The following LINGO2 variants were observed in gnomAD, a reference collection of about 807,000 sequenced individuals.
LINGO2 encodes the protein leucine rich repeat and Ig domain containing 2, also known as leucine-rich repeat and immunoglobulin-like domain-containing nogo receptor-interacting protein 2.
LINGO2 carries 14 observed loss-of-function variants against 30.6 expected under a neutral mutation model. The observed-to-expected ratio is 0.46, with a 90% CI of 0.30 to 0.72. The LOEUF (loss-of-function observed/expected upper bound fraction) is 0.72, where lower values mean the gene tolerates loss of function less well. Among genes scored for constraint, LINGO2 ranks in the 30% least tolerant of loss-of-function variants. LINGO2 has a pLI of 0.07. For synonymous variants in LINGO2, 317 were observed against 288.5 expected, an observed-to-expected ratio of 1.10 and a Z score of -1.00; for missense variants, 729 against 751.7, an observed-to-expected ratio of 0.97 and a Z score of 0.35.
chr9:28,873,198 G>A, the LINGO2 span, among the ~76,000 whole-genome samples: 21,209 of 151,466 alleles, frequency 0.14, 2,158 homozygotes, highest in African/African-American at 0.29. Flanking sequence ...GTGAAACCTC[G>A]TCTCTACTAA....
At chr9:28,093,774 C>A (rs529421385) in intron 4 of LINGO2, among the ~76,000 whole-genome samples, 1 of 152,070 alleles carries the variant, frequency 6.6e-6, no homozygotes, top group Admixed American at 6.6e-5. Flanking sequence ...CAGACTGAGC[C>A]ACGAGAAAGC....
chr9:28,829,417 G>T, the LINGO2 span, among the ~76,000 whole-genome samples: 1 of 152,138 alleles, frequency 6.6e-6, no homozygotes. Flanking sequence ...AAAGGCAGAG[G>T]GTCCACTGAG....
At chr9:28,158,749 G>A (rs1351146825) in intron 4 of LINGO2, among the ~76,000 whole-genome samples, 3 of 152,158 alleles carry the variant, frequency 2.0e-5, no homozygotes, top group African/African-American at 7.2e-5. Flanking sequence ...TGGGTGCACA[G>A]CAGCTTCCAA....
chr9:28,643,928 C>T (rs760236410), intron 1 of LINGO2, among the ~76,000 whole-genome samples: 8 of 151,866 alleles, frequency 5.3e-5, no homozygotes, highest in Non-Finnish European at 1.0e-4. Flanking sequence ...AATAGGCATA[C>T]GAAATGGTGT....
At chr9:28,048,468 G>A (rs1197318958) in intron 4 of LINGO2, among the ~76,000 whole-genome samples, 14 of 150,784 alleles carry the variant, frequency 9.3e-5, no homozygotes. Flanking sequence ...GATACCTTTA[G>A]TCACCTATTA....
intron 4 of LINGO2, among the ~76,000 whole-genome samples, chr9:28,037,772 T>C (rs1824007521): frequency 6.6e-6 from 1 of 152,184 alleles, no homozygotes; most frequent in Non-Finnish European, 1.5e-5. Context: ...ACAAATGTGG[T>C]TGCCTTTAGT....
At chr9:29,085,687 C>G in the LINGO2 span, among the ~76,000 whole-genome samples, 30,523 of 151,966 alleles carry the variant, frequency 0.2, 3,186 homozygotes, top group South Asian at 0.25. Context: ...ACTAATAAAA[C>G]CTAAACTTAC....
chr9:28,204,248 G>GCA (rs375837586), intron 4 of LINGO2, among the ~76,000 whole-genome samples: 3 of 151,632 alleles, frequency 2.0e-5, no homozygotes, highest in African/African-American at 7.2e-5. Context: ...ACACGTGCAT[G>GCA]CACACACACA....
At chr9:29,000,462 T>C in the LINGO2 span, among the ~76,000 whole-genome samples, 5 of 151,902 alleles carry the variant, frequency 3.3e-5, no homozygotes, top group East Asian at 5.8e-4. Flanking sequence ...TTTTTGAAAT[T>C]TGAGCACACC....
the LINGO2 span, among the ~76,000 whole-genome samples, chr9:29,102,708 T>C: frequency 6.6e-6 from 1 of 152,268 alleles, no homozygotes; most frequent in South Asian, 2.1e-4. Context: ...TTTATAGTAT[T>C]TGGTATTGTG....
At chr9:28,809,419 A>G in the LINGO2 span, among the ~76,000 whole-genome samples, 4 of 152,096 alleles carry the variant, frequency 2.6e-5, no homozygotes, top group African/African-American at 9.7e-5. Flanking sequence ...TCTCAAATCT[A>G]TTCTCCCTAG....
intron 1 of LINGO2, among the ~76,000 whole-genome samples, chr9:28,637,583 A>G (rs1030083768): frequency 5.3e-5 from 8 of 152,166 alleles, no homozygotes; most frequent in Non-Finnish European, 8.8e-5. Flanking sequence ...CTTTGAAGCA[A>G]TTGTGAATGG....
intron 3 of LINGO2, among the ~76,000 whole-genome samples, chr9:28,346,479 A>T (rs1819574770): frequency 6.6e-6 from 1 of 152,112 alleles, no homozygotes; most frequent in Non-Finnish European, 1.5e-5. Flanking sequence ...TGCTATTGTG[A>T]ATAGTGCTGC....
intron 4 of LINGO2, among the ~76,000 whole-genome samples, chr9:28,018,321 C>G (rs772554621): frequency 6.6e-6 from 1 of 152,036 alleles, no homozygotes; most frequent in South Asian, 2.1e-4. Flanking sequence ...GATGAAGATG[C>G]CAAAAGCAAT....
At chr9:28,033,686 T>C (rs138798407) in intron 4 of LINGO2, among the ~76,000 whole-genome samples, 117 of 152,344 alleles carry the variant, frequency 7.7e-4, no homozygotes, top group East Asian at 2.7e-3. Flanking sequence ...GCAGTGTTTC[T>C]ATTCTGCCCC....
the LINGO2 span, among the ~76,000 whole-genome samples, chr9:28,889,555 A>G: frequency 7.9e-5 from 12 of 152,120 alleles, no homozygotes; most frequent in African/African-American, 2.2e-4. Flanking sequence ...ATACATAAAT[A>G]TAATGTTATT....
intron 5 of LINGO2, among the ~76,000 whole-genome samples, chr9:28,003,500 C>T (rs1003717569): frequency 6.6e-6 from 1 of 152,000 alleles, no homozygotes; most frequent in African/African-American, 2.4e-5. Flanking sequence ...GCTGTGTTGC[C>T]CAGGCTGGAG....
intron 2 of LINGO2, among the ~76,000 whole-genome samples, chr9:28,402,093 G>A (rs1822293416): frequency 6.6e-6 from 1 of 152,102 alleles, no homozygotes; most frequent in Non-Finnish European, 1.5e-5. Context: ...CCTCACTAGG[G>A]CAACACAAGC....
chr9:29,030,693 T>C, the LINGO2 span, among the ~76,000 whole-genome samples: 3 of 152,182 alleles, frequency 2.0e-5, no homozygotes, highest in East Asian at 1.9e-4. Context: ...ATATTGACAG[T>C]GTTTACTCAG....
Sources: allele counts gnomAD v4.1 joint callset (sites outside exome capture counted in the v4.1 genomes callset), GRCh38; gene constraint gnomAD v4.1.1; transcripts MANE v1.5; gene names NCBI Gene and HGNC (gene_info 2026-07-23, HGNC 2026-07-21).